The following EPAS1 variants were observed in gnomAD, a reference collection of about 807,000 sequenced individuals.
EPAS1 encodes the protein endothelial PAS domain protein 1, also known as endothelial PAS domain-containing protein 1.
A neutral mutation model predicts 87.9 loss-of-function variants in EPAS1; 23 were observed. The ratio of observed to expected loss-of-function variants is 0.26; its 90% CI spans 0.19 to 0.37. The LOEUF (loss-of-function observed/expected upper bound fraction) is 0.37. Ranked by LOEUF, EPAS1 falls within the 10% of genes least tolerant of loss-of-function variation. The pLI is 1.00. For missense variants in EPAS1, 1,138 were observed against 1,120.7 expected, an observed-to-expected ratio of 1.02 and a Z score of -0.22; for synonymous variants, 508 against 444.3, an observed-to-expected ratio of 1.14 and a Z score of -1.80.
intron 7 of EPAS1, among the ~76,000 whole-genome samples, chr2:46,372,708 C>T (rs866227476): frequency 7.9e-5 from 12 of 152,148 alleles, no homozygotes; most frequent in South Asian, 2.1e-4. Context: ...AGAAAGCTGG[C>T]GTTAATTATA....
rs553870735 is a variant in EPAS1 at position 46,380,778 on chromosome 2, A to G, written c.2045+61A>G. The stretch of plus-strand genomic sequence containing the variant: ...GAACCGAGAGGCACCCACTAGTAAG[A>G]TAGCTGGACCCCCAGGGAGGCCCCT... On this transcript the variant is annotated intron_variant, in intron 12 of 15. Transcript: ENST00000263734. This position sits in a 1 kb window ranked among gnomAD's most constrained non-coding sequence, Gnocchi z 4.4. 10 of 1,599,296 alleles carry G rather than the reference A, an allele frequency of 6.3e-6. No homozygotes were observed. In the African/African-American group the frequency reaches 1.3e-4, roughly 21 times the overall value.
chr2:46,375,715 T>C lies in EPAS1; in HGVS notation c.912T>C (p.Ser304=). Residue 304 remains serine, a synonymous_variant, in exon 8 of 16, where the codon AGT becomes AGC. Coordinates refer to ENST00000263734, the MANE Select transcript of EPAS1 (RefSeq NM_001430.5). This position sits in a 1 kb window ranked among gnomAD's most constrained non-coding sequence, Gnocchi z 4.1. Reference sequence around the variant, plus strand: ...TGTGCACCAAGGGTCAGGTAGTAAGTGGCCAGTACCGGATGCTCGCAAAGC... The same window carrying C: ...TGTGCACCAAGGGTCAGGTAGTAAGCGGCCAGTACCGGATGCTCGCAAAGC... ...QNLCTKGQVV[S]GQYRMLAKHG... 6.2e-7 allele frequency: 1 copy of C among 1,614,114 alleles called. No homozygotes were observed. The highest frequency in any genetic ancestry group is 1.1e-5 in the South Asian group (1 of 91,078).
chr2:46,355,393 T>C (rs985417100), intron 2 of EPAS1, among the ~76,000 whole-genome samples: 2 of 152,188 alleles, frequency 1.3e-5, no homozygotes, highest in Non-Finnish European at 2.9e-5. Flanking sequence ...CCAAAGCCTA[T>C]GAATGGTTGA....
intron 11 of EPAS1, chr2:46,379,582 AG>A (rs1434838807): frequency 3.7e-5 from 6 of 161,336 alleles, no homozygotes; most frequent in Non-Finnish European, 6.8e-5. Flanking sequence ...ACACCCACTG[AG>A]GGTGTCAGTC....
In EPAS1 at chr2:46,346,028, A is replaced by G. The variant is rs376590627; in HGVS notation, c.27-845A>G. Among the ~76,000 whole-genome samples, 3 of 152,234 alleles carry G rather than the reference A, an allele frequency of 2.0e-5. No homozygotes were observed. The highest frequency in any genetic ancestry group is 4.4e-5 in the Non-Finnish European group (3 of 68,040). Reference sequence around the variant, plus strand: ...TATTTACAGAGCTAACAAGCAGAGAAGTTAGAACTCCAATCTAAACATTCT... The same window carrying G: ...TATTTACAGAGCTAACAAGCAGAGAGGTTAGAACTCCAATCTAAACATTCT... On this transcript the variant is annotated intron_variant, in intron 1 of 15. Transcript: ENST00000263734. The surrounding 1 kb of genome is among the most constrained non-coding windows in gnomAD (Gnocchi z 4.0).
Position 46,385,230 on chromosome 2 carries a change from GAAA to G in EPAS1, c.*575_*577del, listed in dbSNP as rs1684989791. The G allele has an allele frequency of 6.6e-6, 1 of 152,514 alleles. No individual in the cohort carries two copies. The highest frequency in any genetic ancestry group is 2.4e-5 in the African/African-American group (1 of 41,028). 9.4% of individuals were successfully genotyped at this position (152,514 alleles called of 1,614,324 possible). ...AAGCTGACTCTTTGCTCTAATTTTG[GAAA>G]AAAAGAAATGTGAAGGGTCAACTCC... On this transcript the variant is annotated 3_prime_UTR_variant, in exon 16 of 16. Transcript: ENST00000263734.
At chr2:46,356,370 G>A in intron 3 of EPAS1, 68 bp downstream of exon 3, 2 of 1,594,776 alleles carry the variant, frequency 1.3e-6, no homozygotes, top group East Asian at 2.2e-5. Flanking sequence ...TGAGTGGAAG[G>A]TGCTAGCCAC....
Position 46,332,203 on chromosome 2 carries a change from A to G in EPAS1, c.27-14670A>G, listed in dbSNP as rs556922728. Among the ~76,000 whole-genome samples, 80 of 152,100 alleles carry G rather than the reference A, an allele frequency of 5.3e-4. 1 individual carries two copies. The highest frequency in any genetic ancestry group is 2.8e-3 in the Admixed American group (43 of 15,280). On this transcript the variant is annotated intron_variant, in intron 1 of 15. Transcript: ENST00000263734. ...AGTGCCAAGTTTTGACCAAAATCTT[A>G]TAAGAATGGTCCAGGAGTTTCAGTT... is the stretch of plus-strand genomic sequence containing the variant.
intron 2 of EPAS1, among the ~76,000 whole-genome samples, chr2:46,355,627 A>G (rs938546704): frequency 1.3e-5 from 2 of 152,218 alleles, no homozygotes; most frequent in African/African-American, 4.8e-5. Context: ...TACTACGACT[A>G]CCATTATATT....
chr2:46,375,620 G>T lies in EPAS1; in HGVS notation c.887-70G>T. ...TGCAGATTAGACTGCCCTCCCATGC[G>T]ATCTGCTGAGCCTGTGGTGCACACC... On this transcript the variant is annotated intron_variant, in intron 7 of 15. Coordinates refer to ENST00000263734, the MANE Select transcript of EPAS1 (RefSeq NM_001430.5). This position sits in a 1 kb window ranked among gnomAD's most constrained non-coding sequence, Gnocchi z 4.1. The T allele has an allele frequency of 6.4e-7, 1 of 1,562,200 alleles. No homozygotes were observed. The highest frequency in any genetic ancestry group is 1.2e-5 in the South Asian group (1 of 85,880).
chr2:46,302,975 A>G (rs1683041431), intron 1 of EPAS1, among the ~76,000 whole-genome samples: 1 of 152,204 alleles, frequency 6.6e-6, no homozygotes, highest in African/African-American at 2.4e-5. Flanking sequence ...CAAGAGGCTG[A>G]GGCAGGAGAA....
chr2:46,377,818 G>T (rs906316988), intron 9 of EPAS1, 76 bp from the exon 10 acceptor site: 2 of 1,550,992 alleles, frequency 1.3e-6, no homozygotes, highest in Admixed American at 3.9e-5. Flanking sequence ...CCTTCTCTGC[G>T]GTTTTTGGGC....
intron 2 of EPAS1, among the ~76,000 whole-genome samples, chr2:46,353,540 G>T (rs1309667751): frequency 6.6e-6 from 1 of 152,186 alleles, no homozygotes; most frequent in African/African-American, 2.4e-5. Flanking sequence ...GTTTCTTTCA[G>T]CCTGGCCTAT....
intron 1 of EPAS1, among the ~76,000 whole-genome samples, chr2:46,316,182 AT>A (rs143227202): frequency 2.6e-4 from 40 of 151,310 alleles, no homozygotes; most frequent in Non-Finnish European, 3.5e-4. Context: ...GAGTCACATG[AT>A]TTTTTTTTGT....
chr2:46,341,787 G>C (rs374253356), intron 1 of EPAS1, among the ~76,000 whole-genome samples: 15 of 152,176 alleles, frequency 9.9e-5, no homozygotes, highest in East Asian at 7.7e-4. Flanking sequence ...AGCTAAAATT[G>C]AGACCCACGG....
chr2:46,356,100 C>G (rs774081024), intron 2 of EPAS1, 51 bp from the exon 3 acceptor site: 6 of 1,529,290 alleles, frequency 3.9e-6, no homozygotes, highest in Non-Finnish European at 1.8e-6. Context: ...CCAGTCCCAT[C>G]TGTTTTCACT....
intron 1 of EPAS1, among the ~76,000 whole-genome samples, chr2:46,299,893 G>A (rs1458794261): frequency 1.3e-5 from 2 of 152,252 alleles, no homozygotes; most frequent in Non-Finnish European, 2.9e-5. Flanking sequence ...ATTGGCGAGA[G>A]CGGCCGCTTT....
chr2:46,383,724 CTT>C (rs1015187424), intron 15 of EPAS1, among the ~76,000 whole-genome samples: 2 of 152,218 alleles, frequency 1.3e-5, no homozygotes, highest in African/African-American at 4.8e-5. Context: ...ATATCAAACT[CTT>C]TTCTGACCAT....
At chr2:46,382,817 C>T (rs781242090) in intron 15 of EPAS1, among the ~76,000 whole-genome samples, 5 of 152,116 alleles carry the variant, frequency 3.3e-5, no homozygotes, top group African/African-American at 9.7e-5. Context: ...GTCTGAGACA[C>T]AGCTAAAAAA....
Sources: allele counts gnomAD v4.1 joint callset (sites outside exome capture counted in the v4.1 genomes callset), GRCh38; gene constraint gnomAD v4.1.1; non-coding constraint Gnocchi (gnomAD v3.1); transcripts MANE v1.5; gene names NCBI Gene and HGNC (gene_info 2026-07-23, HGNC 2026-07-21).